The following MITF variants were observed in gnomAD, a reference collection of about 807,000 sequenced individuals.
MITF encodes melanocyte inducing transcription factor, also known as microphthalmia-associated transcription factor.
In MITF, 17 loss-of-function variants were observed where a neutral mutation model predicts 60.5. The ratio of observed to expected loss-of-function variants is 0.28; its 90% CI spans 0.19 to 0.42. The LOEUF (loss-of-function observed/expected upper bound fraction) is 0.42, where lower values mean the gene tolerates loss of function less well. Ranked by LOEUF, MITF falls within the 10% of genes least tolerant of loss-of-function variation. The probability of loss-of-function intolerance (pLI) is 1.00; values close to 1 mark genes in which losing one functional copy is unlikely to be tolerated. For missense variants in MITF, 622 were observed against 683.5 expected, an observed-to-expected ratio of 0.91 and a Z score of 1.00; for synonymous variants, 260 against 248.5, an observed-to-expected ratio of 1.05 and a Z score of -0.43.
chr3:69,936,619 A>C, intron 2 of MITF: 1 of 1,573,284 alleles, frequency 6.4e-7, no homozygotes, highest in Non-Finnish European at 8.6e-7. Context: ...CCTTGTTTAT[A>C]GTACCTTCTC....
At chr3:69,884,490 G>A (rs2064563556) in intron 2 of MITF, among the ~76,000 whole-genome samples, 1 of 152,076 alleles carries the variant, frequency 6.6e-6, no homozygotes, top group African/African-American at 2.4e-5. Flanking sequence ...GTGCAGTGAG[G>A]ACTTCTCACC....
chr3:69,928,893 ACC>A (rs2065652809), intron 2 of MITF, among the ~76,000 whole-genome samples: 1 of 152,048 alleles, frequency 6.6e-6, no homozygotes, highest in Admixed American at 6.6e-5. Context: ...GTCATTTGAG[ACC>A]CACAGGGCCC....
rs558198755 is a variant in MITF at position 69,871,505 on chromosome 3, A to C, written c.105-7629A>C. Among the ~76,000 whole-genome samples the C allele has an allele frequency of 3.9e-5, 6 of 152,346 alleles. No homozygotes were observed. The East Asian group carries it at 1.2e-3, about 29-fold the overall frequency. On this transcript the variant is annotated intron_variant, in intron 1 of 9. Coordinates refer to ENST00000352241, the MANE Select transcript of MITF (RefSeq NM_001354604.2). ...AGGATGCTGGGCAGCTATAAATGCC[A>C]TGTGGCCACCATAAATCATTACTGC...
At chr3:69,917,171 T>A (rs1486388906) in intron 2 of MITF, among the ~76,000 whole-genome samples, 2 of 152,104 alleles carry the variant, frequency 1.3e-5, no homozygotes, top group Non-Finnish European at 2.9e-5. Context: ...GAAATGGATG[T>A]GTGTGGGTGT....
intron 1 of MITF, among the ~76,000 whole-genome samples, chr3:69,848,509 C>T (rs2063769280): frequency 6.6e-6 from 1 of 152,166 alleles, no homozygotes; most frequent in Admixed American, 6.5e-5. Context: ...TTCATGTTAG[C>T]TCTTAGACCA....
chr3:69,822,738 C>T (rs766709875), intron 1 of MITF, among the ~76,000 whole-genome samples: 1 of 152,130 alleles, frequency 6.6e-6, no homozygotes, highest in Non-Finnish European at 1.5e-5. Flanking sequence ...ATTCACCCAC[C>T]CACATACAAA....
intron 1 of MITF, among the ~76,000 whole-genome samples, chr3:69,824,407 A>G (rs996409546): frequency 2.0e-5 from 3 of 152,194 alleles, no homozygotes; most frequent in Non-Finnish European, 2.9e-5. Context: ...TCTAGGTTCT[A>G]TGATGATTAT....
chr3:69,869,972 G>A (rs745437131), intron 1 of MITF, among the ~76,000 whole-genome samples: 6 of 151,964 alleles, frequency 3.9e-5, no homozygotes, highest in African/African-American at 7.3e-5. Flanking sequence ...GGAGTCTTAC[G>A]TAGAACTCCA....
intron 1 of MITF, among the ~76,000 whole-genome samples, chr3:69,792,444 A>G (rs978519644): frequency 6.6e-6 from 1 of 151,464 alleles, no homozygotes; most frequent in Non-Finnish European, 1.5e-5. Context: ...AGCTTTCATT[A>G]TATGATTTTT....
intron 1 of MITF, among the ~76,000 whole-genome samples, chr3:69,843,004 A>G (rs550776851): frequency 5.9e-5 from 9 of 152,280 alleles, no homozygotes; most frequent in South Asian, 2.1e-4. Flanking sequence ...GGCATTGACA[A>G]CTTTCAGTTC....
Position 69,965,100 on chromosome 3 carries a change from G to T in MITF, c.1433G>T (p.Gly478Val). The T allele has an allele frequency of 6.2e-7, 1 of 1,614,068 alleles. No individual in the cohort carries two copies. Among genetic ancestry groups the T allele is most frequent in the Non-Finnish European group, 8.5e-7 (1 of 1,180,006 alleles). The change falls in exon 10 of 10, where the codon GGA (glycine) becomes GTA (valine). Residue 478 changes from glycine to valine, a missense_variant. Gly to Val is a moderately radical substitution (Grantham distance 109, BLOSUM62 -3). Around this residue, in one of 5 missense-constraint regions of MITF, gnomAD observed 224 missense variants for 209.5 expected, o/e 1.07. Transcript: ENST00000352241. ...NQAYSVPTKM[G>V]SKLEDILMDD... ...GCCTATAGTGTCCCCACAAAAATGG[G>T]ATCCAAACTGGAAGACATCCTGATG...
At chr3:69,820,790 G>A (rs149244032) in intron 1 of MITF, among the ~76,000 whole-genome samples, 2 of 152,224 alleles carry the variant, frequency 1.3e-5, no homozygotes, top group East Asian at 1.9e-4. Context: ...GGGCAACATC[G>A]TGAAAAGATA....
intron 9 of MITF, among the ~76,000 whole-genome samples, chr3:69,962,871 CAA>C (rs1348772346): frequency 6.6e-6 from 1 of 152,150 alleles, no homozygotes; most frequent in Admixed American, 6.5e-5. Flanking sequence ...GGGTGGTAAA[CAA>C]GAGTTATTTT....
At chr3:69,915,098 G>A (rs1301375829) in intron 2 of MITF, among the ~76,000 whole-genome samples, 1 of 152,138 alleles carries the variant, frequency 6.6e-6, no homozygotes, top group Non-Finnish European at 1.5e-5. Flanking sequence ...CTTGTGTTCT[G>A]TAGGTCAATC....
At chr3:69,776,900 A>C (rs912318738) in intron 1 of MITF, among the ~76,000 whole-genome samples, 1 of 152,230 alleles carries the variant, frequency 6.6e-6, no homozygotes, top group East Asian at 1.9e-4. Context: ...TGGCTTATAT[A>C]GAACTTATAT....
At chr3:69,752,363 A>G (rs987039935) in intron 1 of MITF, 3 of 152,202 alleles carry the variant, frequency 2.0e-5, no homozygotes, top group Admixed American at 1.3e-4. Context: ...CTAGAGACTG[A>G]TTAAATGGTT....
intron 2 of MITF, among the ~76,000 whole-genome samples, chr3:69,883,526 T>C (rs555980007): frequency 6.6e-6 from 1 of 152,334 alleles, no homozygotes; most frequent in African/African-American, 2.4e-5. Flanking sequence ...AAGGTGTGAT[T>C]TATTTTTTAG....
chr3:69,814,181 A>G (rs960222547), intron 1 of MITF, among the ~76,000 whole-genome samples: 1 of 152,094 alleles, frequency 6.6e-6, no homozygotes, highest in African/African-American at 2.4e-5. Context: ...AATAGGAAAC[A>G]GGTTAAATAA....
At chr3:69,797,745 C>A (rs1222343753) in intron 1 of MITF, among the ~76,000 whole-genome samples, 1 of 152,162 alleles carries the variant, frequency 6.6e-6, no homozygotes, top group Non-Finnish European at 1.5e-5. Context: ...TTCTTCCACC[C>A]ATGTTGGTGG....
Sources: allele counts gnomAD v4.1 joint callset (sites outside exome capture counted in the v4.1 genomes callset), GRCh38; gene constraint gnomAD v4.1.1; regional missense constraint gnomAD v4.1.1; transcripts MANE v1.5; gene names NCBI Gene and HGNC (gene_info 2026-07-23, HGNC 2026-07-21).